The following TMEM163 variants were observed in gnomAD, a reference collection of about 807,000 sequenced individuals.
The protein encoded by TMEM163 is transmembrane protein 163.
Under a neutral mutation model 29.3 loss-of-function variants are expected in TMEM163, and 17 were observed. The observed-to-expected ratio is 0.58, with a 90% CI of 0.40 to 0.87. The LOEUF is 0.87. TMEM163 is among the 40% of genes least tolerant of loss of function. The probability of loss-of-function intolerance (pLI) is 0.00; values close to 1 mark genes in which losing one functional copy is unlikely to be tolerated. For missense variants in TMEM163, 303 were observed against 381.5 expected (o/e 0.79, Z 1.71); for synonymous variants, 157 against 160.6 (o/e 0.98, Z 0.17).
intron 7 of TMEM163, 136 bp from the exon 8 acceptor site, chr2:134,456,912 G>T: frequency 1.2e-6 from 1 of 859,308 alleles, no homozygotes; most frequent in Non-Finnish European, 1.8e-6. Flanking sequence ...GTGGTTTTTA[G>T]TATATTCATC....
At chr2:134,697,547 C>A (rs987012820) in intron 2 of TMEM163, among the ~76,000 whole-genome samples, 1 of 150,966 alleles carries the variant, frequency 6.6e-6, no homozygotes, top group Non-Finnish European at 1.5e-5. Flanking sequence ...TGACTGCAAC[C>A]TCCGCCTCCC....
chr2:134,533,580 C>T (rs1467860382), intron 4 of TMEM163, among the ~76,000 whole-genome samples: 11 of 152,148 alleles, frequency 7.2e-5, no homozygotes, highest in African/African-American at 2.7e-4. Context: ...AAAATATGTT[C>T]ATTTTTAAAG....
chr2:134,528,401 G>C (rs1480354830), intron 4 of TMEM163, among the ~76,000 whole-genome samples: 3 of 152,196 alleles, frequency 2.0e-5, no homozygotes, highest in Non-Finnish European at 4.4e-5. Context: ...TTCCTTTAGA[G>C]ATGGCTTCCC....
intron 2 of TMEM163, among the ~76,000 whole-genome samples, chr2:134,567,708 T>C (rs1237748762): frequency 1.3e-5 from 2 of 152,080 alleles, no homozygotes; most frequent in East Asian, 3.9e-4. Flanking sequence ...TAAATAATAA[T>C]AATAAAGAGT....
intron 2 of TMEM163, among the ~76,000 whole-genome samples, chr2:134,674,483 A>G (rs1484613363): frequency 7.7e-6 from 1 of 129,554 alleles, no homozygotes; most frequent in Admixed American, 7.8e-5. Context: ...AGCTGGGACT[A>G]CAGGCGCGCG....
chr2:134,703,967 G>A lies in TMEM163; in HGVS notation c.322+9233C>T, dbSNP rs536325377. On this transcript the variant is annotated intron_variant, in intron 2 of 7. Transcript: ENST00000281924. ...CTCATATTAAACACACTTATTTTACGGATTTTGTCAGCTACTTCTCTCACC... is the reference window on the plus strand; with the variant it reads ...CTCATATTAAACACACTTATTTTACAGATTTTGTCAGCTACTTCTCTCACC... 4.6e-5 allele frequency among the ~76,000 whole-genome samples: 7 copies of A among 151,642 alleles called. No homozygotes were observed. The East Asian group carries it at 7.8e-4, about 17-fold the overall frequency.
intron 2 of TMEM163, among the ~76,000 whole-genome samples, chr2:134,592,623 G>A (rs1229170682): frequency 6.6e-6 from 1 of 152,146 alleles, no homozygotes; most frequent in Admixed American, 6.5e-5. Context: ...TCATGGGCAG[G>A]AAGTCTGTTT....
At chr2:134,546,643 C>CAAA (rs58851155) in intron 4 of TMEM163, among the ~76,000 whole-genome samples, 7 of 84,334 alleles carry the variant, frequency 8.3e-5, no homozygotes, top group African/African-American at 3.2e-4. Flanking sequence ...GGCTCCATCT[C>CAAA]AAAAAAAAAA....
At chr2:134,662,430 G>A (rs1178159911) in intron 2 of TMEM163, among the ~76,000 whole-genome samples, 2 of 152,158 alleles carry the variant, frequency 1.3e-5, no homozygotes, top group South Asian at 4.1e-4. Flanking sequence ...AGATATGGGG[G>A]AGGCAGAGCC....
intron 2 of TMEM163, among the ~76,000 whole-genome samples, chr2:134,589,584 AG>A (rs1199717893): frequency 2.6e-5 from 4 of 152,174 alleles, no homozygotes; most frequent in Admixed American, 2.0e-4. Flanking sequence ...TTACCCTATA[AG>A]GTCTAAAAAG....
At chr2:134,480,576 C>T (rs1363508777) in intron 5 of TMEM163, among the ~76,000 whole-genome samples, 1 of 152,162 alleles carries the variant, frequency 6.6e-6, no homozygotes, top group African/African-American at 2.4e-5. Flanking sequence ...CCCATGACCA[C>T]AGAAAGTTTT....
In TMEM163 at chr2:134,492,481, G is replaced by A. The variant is rs368326175; in HGVS notation, c.555+10420C>T. Among the ~76,000 whole-genome samples the A allele has an allele frequency of 1.2e-4, 18 of 152,212 alleles. No homozygotes were observed. The East Asian group carries it at 3.1e-3, about 26-fold the overall frequency. On this transcript the variant is annotated intron_variant, in intron 5 of 7. Transcript: ENST00000281924. ...GAGACTATTTCCGTCACCCCCAAAAGTTTTCCCATGATTCTTTAATAATTC... is the reference window on the plus strand; with the variant it reads ...GAGACTATTTCCGTCACCCCCAAAAATTTTCCCATGATTCTTTAATAATTC...
chr2:134,484,040 G>C (rs1194471068), intron 5 of TMEM163, among the ~76,000 whole-genome samples: 1 of 152,078 alleles, frequency 6.6e-6, no homozygotes, highest in Non-Finnish European at 1.5e-5. Context: ...CTCGGGAGAG[G>C]TTGAGGCAGG....
intron 5 of TMEM163, among the ~76,000 whole-genome samples, chr2:134,482,651 C>T (rs1032503120): frequency 2.6e-5 from 4 of 152,176 alleles, no homozygotes; most frequent in Non-Finnish European, 5.9e-5. Context: ...ACTTTCCCCA[C>T]CCCCAACCAG....
At chr2:134,585,415 G>A (rs1049768814) in intron 2 of TMEM163, among the ~76,000 whole-genome samples, 1 of 152,162 alleles carries the variant, frequency 6.6e-6, no homozygotes, top group Admixed American at 6.5e-5. Context: ...CTCTTAGAGG[G>A]TTGTTGTGAG....
intron 2 of TMEM163, among the ~76,000 whole-genome samples, chr2:134,555,824 C>T (rs1378506955): frequency 6.6e-6 from 1 of 152,170 alleles, no homozygotes; most frequent in Non-Finnish European, 1.5e-5. Flanking sequence ...CAGTCCCCAT[C>T]CCATAAGAGC....
chr2:134,554,064 T>G (rs1046990922), intron 2 of TMEM163, among the ~76,000 whole-genome samples: 3 of 152,166 alleles, frequency 2.0e-5, no homozygotes, highest in Non-Finnish European at 4.4e-5. Flanking sequence ...GTGGGTTTCT[T>G]CTTTATCAGC....
At chr2:134,633,000 C>T (rs1304422865) in intron 2 of TMEM163, among the ~76,000 whole-genome samples, 2 of 151,378 alleles carry the variant, frequency 1.3e-5, no homozygotes, top group Admixed American at 6.6e-5. Context: ...CCTCGTGATC[C>T]GCCTGCCTCG....
chr2:134,564,114 C>T (rs577976013), intron 2 of TMEM163, among the ~76,000 whole-genome samples: 21 of 151,996 alleles, frequency 1.4e-4, no homozygotes, highest in African/African-American at 4.8e-4. Context: ...ACAACCACAA[C>T]CAAAAAAACC....
Sources: allele counts gnomAD v4.1 joint callset (sites outside exome capture counted in the v4.1 genomes callset), GRCh38; gene constraint gnomAD v4.1.1; transcripts MANE v1.5; gene names NCBI Gene and HGNC (gene_info 2026-07-23, HGNC 2026-07-21).